HAO1: variants seen among roughly 807,000 people sequenced by gnomAD.
HAO1 encodes the protein 2-Hydroxyacid oxidase 1.
In HAO1, 34 loss-of-function variants were observed where a neutral mutation model predicts 39.7. The ratio of observed to expected loss-of-function variants is 0.86; its 90% CI spans 0.65 to 1.14. HAO1 has a LOEUF of 1.14. HAO1 is among the 50% of genes most tolerant of loss of function. The pLI is 0.00. For synonymous variants in HAO1, 172 were observed against 173.2 expected (o/e 0.99, Z 0.05); for missense variants, 479 against 464.5 (o/e 1.03, Z -0.29).
At chr20:7,931,045 T>G (rs2050383451) in intron 2 of HAO1, among the ~76,000 whole-genome samples, 1 of 152,186 alleles carries the variant, frequency 6.6e-6, no homozygotes. Flanking sequence ...AACCTATAGA[T>G]AGTCTTTAAA....
chr20:7,931,089 G>T (rs2122796698), intron 2 of HAO1, among the ~76,000 whole-genome samples: 1 of 152,236 alleles, frequency 6.6e-6, no homozygotes, highest in East Asian at 1.9e-4. Flanking sequence ...CTGGAGAGAG[G>T]TTTCTAGTAT....
intron 3 of HAO1, among the ~76,000 whole-genome samples, chr20:7,908,424 A>G (rs2050259642): frequency 1.3e-5 from 2 of 151,748 alleles, no homozygotes; most frequent in Admixed American, 6.6e-5. Context: ...ATATTATACT[A>G]GAAGAATCTA....
At chr20:7,886,109 T>C (rs574225494) in intron 5 of HAO1, among the ~76,000 whole-genome samples, 3 of 152,314 alleles carry the variant, frequency 2.0e-5, no homozygotes, top group Admixed American at 6.5e-5. Context: ...TGTCTTTTTT[T>C]CTGTTTCTTA....
At chr20:7,913,915 G>A (rs2050293295) in intron 3 of HAO1, among the ~76,000 whole-genome samples, 1 of 152,206 alleles carries the variant, frequency 6.6e-6, no homozygotes, top group South Asian at 2.1e-4. Context: ...TCTTCCATCT[G>A]TATAGCAATT....
At chr20:7,884,264 GAC>G (rs1291911301) in intron 7 of HAO1, among the ~76,000 whole-genome samples, 5 of 152,080 alleles carry the variant, frequency 3.3e-5, no homozygotes, top group Non-Finnish European at 7.4e-5. Flanking sequence ...CACTGCTGTA[GAC>G]ACTGAAAATA....
At chr20:7,907,302 G>A (rs2050253218) in intron 3 of HAO1, among the ~76,000 whole-genome samples, 1 of 152,086 alleles carries the variant, frequency 6.6e-6, no homozygotes, top group African/African-American at 2.4e-5. Context: ...CTGGGCCTGA[G>A]TCACAATCCA....
intron 4 of HAO1, among the ~76,000 whole-genome samples, 198 bp from the exon 5 acceptor site, chr20:7,895,422 T>A (rs1396721368): frequency 5.6e-5 from 8 of 143,388 alleles, no homozygotes; most frequent in African/African-American, 2.4e-4. Flanking sequence ...AACAAAAAAA[T>A]GTTACTACTT....
chr20:7,931,147 T>A, intron 2 of HAO1, among the ~76,000 whole-genome samples: 1 of 152,188 alleles, frequency 6.6e-6, no homozygotes, highest in East Asian at 1.9e-4. Flanking sequence ...AGGAACCCAA[T>A]GGAGGACCCT....
rs551211209 is a variant in HAO1, at chr20:7,931,032, A to C, written c.289+3452T>G. On this transcript the variant is annotated intron_variant, in intron 2 of 7. Transcript: ENST00000378789. ...GATACACCTAAATATTAAATAGACT[A>C]ATAACCTATAGATAGTCTTTAAAAC... 3.3e-5 allele frequency among the ~76,000 whole-genome samples: 5 copies of C among 152,290 alleles called. No homozygotes were observed. In the East Asian group the frequency reaches 9.7e-4, roughly 29 times the overall value.
rs2050136204 is a variant in HAO1, at chr20:7,883,380, T to C, written c.*213A>G. ...TTTAACAGTTAATATATTTCCAGGA[T>C]GAAAGTCCATTTCTTTCTAAAAGGT... On this transcript the variant is annotated 3_prime_UTR_variant, in exon 8 of 8. Coordinates refer to ENST00000378789, the MANE Select transcript of HAO1 (RefSeq NM_017545.3). 2 of 552,612 alleles carry C rather than the reference T, an allele frequency of 3.6e-6. No individual in the cohort carries two copies. The highest frequency in any genetic ancestry group is 3.8e-5 in the African/African-American group (2 of 53,292). The allele number at this position is 552,612 out of a possible 1,614,324, so 34.2% of individuals were successfully genotyped here.
At chr20:7,883,774 G>T in intron 7 of HAO1, 111 bp from the exon 8 acceptor site, 1 of 930,946 alleles carries the variant, frequency 1.1e-6, no homozygotes, top group Non-Finnish European at 1.7e-6. Context: ...TATGATTCAA[G>T]GTAGGCTTGC....
intron 2 of HAO1, among the ~76,000 whole-genome samples, chr20:7,927,488 G>A (rs971949465): frequency 2.0e-5 from 3 of 152,122 alleles, no homozygotes; most frequent in South Asian, 2.1e-4. Context: ...CTATTAAAAT[G>A]TTGATTAAGT....
At chr20:7,931,515 C>T (rs1444739486) in intron 2 of HAO1, among the ~76,000 whole-genome samples, 2 of 152,108 alleles carry the variant, frequency 1.3e-5, no homozygotes, top group Non-Finnish European at 2.9e-5. Flanking sequence ...TCAGTTTCTC[C>T]TGTGTAAAAT....
At chr20:7,920,101 G>T (rs999190133) in intron 2 of HAO1, among the ~76,000 whole-genome samples, 10 of 152,066 alleles carry the variant, frequency 6.6e-5, no homozygotes, top group African/African-American at 1.7e-4. Flanking sequence ...TAATCCCCAT[G>T]TGTTGAGGGA....
intron 2 of HAO1, among the ~76,000 whole-genome samples, chr20:7,932,197 T>G (rs1568520935): frequency 6.6e-6 from 1 of 152,172 alleles, no homozygotes; most frequent in Non-Finnish European, 1.5e-5. Context: ...TCCACCATGA[T>G]TGTAAGTTTC....
chr20:7,922,474 G>C (rs984531345), intron 2 of HAO1, among the ~76,000 whole-genome samples: 1 of 152,076 alleles, frequency 6.6e-6, no homozygotes, highest in Admixed American at 6.6e-5. Flanking sequence ...AGTGTCCAAT[G>C]CTCAATACCT....
intron 2 of HAO1, among the ~76,000 whole-genome samples, chr20:7,930,312 A>G (rs2050380014): frequency 1.3e-5 from 2 of 152,184 alleles, no homozygotes; most frequent in South Asian, 4.1e-4. Flanking sequence ...GGCTTGCTTG[A>G]GAGGATTTCC....
intron 2 of HAO1, among the ~76,000 whole-genome samples, chr20:7,915,723 A>G (rs1396913199): frequency 1.3e-5 from 2 of 152,186 alleles, no homozygotes; most frequent in East Asian, 1.9e-4. Flanking sequence ...CAATTTTAAA[A>G]TAATATAGAC....
At chr20:7,918,795 T>C (rs1455885281) in intron 2 of HAO1, among the ~76,000 whole-genome samples, 1 of 152,228 alleles carries the variant, frequency 6.6e-6, no homozygotes. Flanking sequence ...ATTTTATAAA[T>C]GGCGTAGCAT....
Sources: gnomAD v4.1 joint callset for allele counts (sites outside exome capture counted in the v4.1 genomes callset) on GRCh38, gnomAD v4.1.1 for gene constraint, MANE v1.5 for transcripts, NCBI Gene and HGNC (gene_info 2026-07-23, HGNC 2026-07-21) for gene names.